HS3ST5: variants seen among roughly 807,000 people sequenced by gnomAD.
HS3ST5 encodes the protein heparan sulfate glucosamine 3-O-sulfotransferase 5.
In HS3ST5, 10 loss-of-function variants were observed where a neutral mutation model predicts 25.4. The observed-to-expected ratio is 0.39, with a 90% confidence interval of 0.24 to 0.67. HS3ST5 has a LOEUF of 0.67. Among genes scored for constraint, HS3ST5 ranks in the 30% least tolerant of loss-of-function variants. HS3ST5 has a pLI of 0.44. For missense variants in HS3ST5, 324 were observed against 420.7 expected, an observed-to-expected ratio of 0.77 and a Z score of 2.01; for synonymous variants, 170 against 162.4, an observed-to-expected ratio of 1.05 and a Z score of -0.36.
intron 1 of HS3ST5, among the ~76,000 whole-genome samples, chr6:114,229,876 G>C (rs1771492789): frequency 3.9e-5 from 6 of 152,232 alleles, no homozygotes; most frequent in African/African-American, 1.2e-4. Context: ...TATAGGGCCT[G>C]TGAAGGATGA....
chr6:114,275,239 T>C (rs1773800952), intron 1 of HS3ST5, among the ~76,000 whole-genome samples: 1 of 152,200 alleles, frequency 6.6e-6, no homozygotes, highest in East Asian at 1.9e-4. Context: ...CCTTAGCACC[T>C]ACTAGTTCCC....
At chr6:114,283,778 T>G (rs182920737) in intron 1 of HS3ST5, among the ~76,000 whole-genome samples, 49 of 152,160 alleles carry the variant, frequency 3.2e-4, no homozygotes, top group Non-Finnish European at 5.0e-4. Flanking sequence ...TGAAATTTAT[T>G]GCCTGTGCTG....
intron 3 of HS3ST5, among the ~76,000 whole-genome samples, chr6:114,166,730 C>T (rs185124152): frequency 2.2e-4 from 34 of 152,100 alleles, no homozygotes; most frequent in Admixed American, 9.8e-4. Flanking sequence ...TTTAAAATAC[C>T]CTAGGGTAGG....
chr6:114,194,310 T>G (rs183934221), intron 2 of HS3ST5, among the ~76,000 whole-genome samples: 1 of 152,214 alleles, frequency 6.6e-6, no homozygotes, highest in East Asian at 1.9e-4. Flanking sequence ...AAAATAAAAT[T>G]CTAAGCCCCC....
At chr6:114,245,255 T>C (rs1772324580) in intron 1 of HS3ST5, among the ~76,000 whole-genome samples, 1 of 152,152 alleles carries the variant, frequency 6.6e-6, no homozygotes, top group African/African-American at 2.4e-5. Flanking sequence ...AATATGCTTT[T>C]CTGGAAATTG....
chr6:114,167,452 C>G (rs1004349858), intron 3 of HS3ST5: 1 of 152,168 alleles, frequency 6.6e-6, no homozygotes, highest in African/African-American at 2.4e-5. Flanking sequence ...CTCATTTAAT[C>G]ACAACAACTC....
chr6:114,145,939 C>G (rs1778140479), intron 3 of HS3ST5, among the ~76,000 whole-genome samples: 1 of 152,112 alleles, frequency 6.6e-6, no homozygotes, highest in Non-Finnish European at 1.5e-5. Flanking sequence ...ACCTTTAAAC[C>G]AATGGACATC....
intron 1 of HS3ST5, among the ~76,000 whole-genome samples, chr6:114,303,148 T>C (rs1286396276): frequency 6.6e-6 from 1 of 152,186 alleles, no homozygotes; most frequent in South Asian, 2.1e-4. Flanking sequence ...CTACCTAAGC[T>C]TTCAGCTCTA....
rs181683114 is a variant in HS3ST5 at position 114,136,479 on chromosome 6, C to A, written c.-33+31872G>T. On this transcript the variant is annotated intron_variant, in intron 3 of 4. Transcript: ENST00000312719. ...TAAACCTCTTTCCTTTATAAATTAC[C>A]CAGTCTCGGATATATCTTTATTAGC... Among the ~76,000 whole-genome samples the A allele has an allele frequency of 8.1e-4, 124 of 152,306 alleles. 1 individual carries two copies. The highest frequency in any genetic ancestry group is 1.9e-4 in the Non-Finnish European group (13 of 68,026).
At chr6:114,098,562 A>G (rs1775563468) in intron 3 of HS3ST5, among the ~76,000 whole-genome samples, 1 of 148,702 alleles carries the variant, frequency 6.7e-6, no homozygotes, top group African/African-American at 2.4e-5. Context: ...ATATTAAATT[A>G]TATATTTGAA....
At chr6:114,098,461 T>C (rs1211759319) in intron 3 of HS3ST5, among the ~76,000 whole-genome samples, 1 of 149,442 alleles carries the variant, frequency 6.7e-6, no homozygotes, top group Non-Finnish European at 1.5e-5. Flanking sequence ...TTTCAGACTT[T>C]ATGGCCACTC....
chr6:114,117,194 C>T (rs775438829), intron 3 of HS3ST5, among the ~76,000 whole-genome samples: 52 of 152,268 alleles, frequency 3.4e-4, no homozygotes, highest in Non-Finnish European at 4.3e-4. Context: ...ATTCCTTTTA[C>T]TTTCTAGGCA....
chr6:114,263,794 T>G (rs1488211017), intron 1 of HS3ST5, among the ~76,000 whole-genome samples: 1 of 152,130 alleles, frequency 6.6e-6, no homozygotes, highest in Non-Finnish European at 1.5e-5. Context: ...AAATGTATTA[T>G]GAAGAGAGAT....
intron 3 of HS3ST5, among the ~76,000 whole-genome samples, chr6:114,064,519 A>T (rs2114712501): frequency 6.6e-6 from 1 of 152,336 alleles, no homozygotes; most frequent in South Asian, 2.1e-4. Context: ...TGAATTGCTG[A>T]GGAGACGGTA....
chr6:114,296,364 T>C (rs1774821800), intron 1 of HS3ST5, among the ~76,000 whole-genome samples: 1 of 152,186 alleles, frequency 6.6e-6, no homozygotes, highest in Non-Finnish European at 1.5e-5. Flanking sequence ...TCCTGGGGTA[T>C]AACTAATTAA....
At position 114,258,590 on chromosome 6, in the gene HS3ST5, G is replaced by A. The variant is rs570794838; in HGVS notation, c.-338-29812C>T. Among the ~76,000 whole-genome samples the A allele has an allele frequency of 7.2e-5, 11 of 152,216 alleles. No homozygotes were observed. The East Asian group carries it at 9.7e-4, about 13-fold the overall frequency. ...TTGTCCTCAGGCTTCAGCATTTGCC[G>A]GCCACTTGGGGCCAGAGCACCTCTT... is the stretch of plus-strand genomic sequence containing the variant. On this transcript the variant is annotated intron_variant, in intron 1 of 4. Coordinates refer to ENST00000312719, the MANE Select transcript of HS3ST5 (RefSeq NM_153612.4).
At chr6:114,332,258 GT>G (rs1776430881) in intron 1 of HS3ST5, among the ~76,000 whole-genome samples, 1 of 152,118 alleles carries the variant, frequency 6.6e-6, no homozygotes, top group Non-Finnish European at 1.5e-5. Flanking sequence ...AAGGGGTGGA[GT>G]TTTCCCTGCT....
rs549320810 is a variant in HS3ST5, at chr6:114,299,029, G to A, written c.-339+43166C>T. ...AGAGAGATAACCTTAAATTCTGACC[G>A]CTGGTGAGCCGGGCGGAACAGAGCC... On this transcript the variant is annotated intron_variant, in intron 1 of 4. Transcript: ENST00000312719. Among the ~76,000 whole-genome samples the A allele has an allele frequency of 2.2e-4, 34 of 152,302 alleles. No homozygotes were observed. In the South Asian group the frequency reaches 6.2e-3, roughly 28 times the overall value.
intron 1 of HS3ST5, among the ~76,000 whole-genome samples, chr6:114,334,530 G>A (rs1208074253): frequency 1.3e-5 from 2 of 152,092 alleles, no homozygotes; most frequent in African/African-American, 4.8e-5. Flanking sequence ...AAACAACAGT[G>A]GTCTTGTTAG....
Sources: allele counts gnomAD v4.1 joint callset (sites outside exome capture counted in the v4.1 genomes callset), GRCh38; gene constraint gnomAD v4.1.1; transcripts MANE v1.5; gene names NCBI Gene and HGNC (gene_info 2026-07-23, HGNC 2026-07-21).